The following TEX9 variants were observed in gnomAD, a reference collection of about 807,000 sequenced individuals.
TEX9 encodes the protein testis-expressed protein 9.
Under a neutral mutation model 59.6 loss-of-function variants are expected in TEX9, and 74 were observed. The ratio of observed to expected loss-of-function variants is 1.24; its 90% CI spans 1.03 to 1.51. The LOEUF (loss-of-function observed/expected upper bound fraction) is 1.51. TEX9 is among the 40% of genes most tolerant of loss of function. The pLI, the probability that TEX9 is intolerant of heterozygous loss-of-function variation, is 0.00. For synonymous variants in TEX9, 186 were observed against 152.2 expected (o/e 1.22, Z -1.64); for missense variants, 522 against 447.8 (o/e 1.17, Z -1.49).
intron 1 of TEX9, among the ~76,000 whole-genome samples, chr15:56,255,775 A>G (rs2044132000): frequency 6.6e-6 from 1 of 152,092 alleles, no homozygotes; most frequent in South Asian, 2.1e-4. Context: ...TGAAAAATAC[A>G]GAGCCATTTT....
intron 3 of TEX9, among the ~76,000 whole-genome samples, chr15:56,381,453 T>C (rs2047721917): frequency 6.6e-6 from 1 of 152,200 alleles, no homozygotes; most frequent in South Asian, 2.1e-4. Flanking sequence ...ATGATCTTGA[T>C]ACTTGTAGAT....
chr15:56,295,621 G>A (rs1463266174), intron 1 of TEX9, among the ~76,000 whole-genome samples: 2 of 152,164 alleles, frequency 1.3e-5, no homozygotes, highest in East Asian at 1.9e-4. Context: ...TTTTGCCTTT[G>A]TACCTAAAGG....
chr15:56,410,617 A>G (rs542109377), intron 9 of TEX9, among the ~76,000 whole-genome samples: 24 of 152,088 alleles, frequency 1.6e-4, no homozygotes, highest in Non-Finnish European at 3.1e-4. Flanking sequence ...CTACTTTACT[A>G]TTCTTGTGGC....
intron 1 of TEX9, among the ~76,000 whole-genome samples, chr15:56,356,860 G>C (rs2046694249): frequency 6.6e-6 from 1 of 152,082 alleles, no homozygotes. Flanking sequence ...CATGGTGGTG[G>C]TGGTGGCTAT....
At chr15:56,317,834 T>C (rs534134117) in intron 1 of TEX9, among the ~76,000 whole-genome samples, 1 of 152,202 alleles carries the variant, frequency 6.6e-6, no homozygotes, top group Non-Finnish European at 1.5e-5. Flanking sequence ...TTCCTTCTCT[T>C]ATTGATTTTT....
At chr15:56,299,082 G>A (rs767081208) in intron 1 of TEX9, among the ~76,000 whole-genome samples, 6 of 152,196 alleles carry the variant, frequency 3.9e-5, no homozygotes, top group Non-Finnish European at 8.8e-5. Context: ...AGTGATCACA[G>A]TACCTGGTTT....
chr15:56,431,673 A>G (rs1335866863), intron 12 of TEX9, among the ~76,000 whole-genome samples: 2 of 151,980 alleles, frequency 1.3e-5, no homozygotes, highest in Non-Finnish European at 2.9e-5. Flanking sequence ...GTCTGTACAC[A>G]TATCTATGTA....
the TEX9 span, among the ~76,000 whole-genome samples, chr15:56,458,698 T>G: frequency 6.6e-6 from 1 of 152,204 alleles, no homozygotes; most frequent in Non-Finnish European, 1.5e-5. Context: ...TAGTCGGAAT[T>G]ATACAGAATG....
chr15:56,451,641 G>T, the TEX9 span, among the ~76,000 whole-genome samples: 2 of 152,062 alleles, frequency 1.3e-5, no homozygotes, highest in Non-Finnish European at 2.9e-5. Flanking sequence ...TTTCAATTTT[G>T]ATTATAGACA....
At chr15:56,318,977 C>T (rs554143522) in intron 1 of TEX9, among the ~76,000 whole-genome samples, 1 of 152,154 alleles carries the variant, frequency 6.6e-6, no homozygotes, top group African/African-American at 2.4e-5. Flanking sequence ...ATGCCCACAT[C>T]CATACTGTAT....
chr15:56,306,089 G>A (rs541522084), intron 1 of TEX9, among the ~76,000 whole-genome samples: 57 of 152,072 alleles, frequency 3.7e-4, no homozygotes, highest in Non-Finnish European at 1.6e-4. Context: ...TTATGCAAAA[G>A]CCAGGCAATA....
intron 1 of TEX9, among the ~76,000 whole-genome samples, chr15:56,264,466 G>T (rs2044335476): frequency 6.6e-6 from 1 of 152,130 alleles, no homozygotes; most frequent in South Asian, 2.1e-4. Context: ...AATGTTCTAT[G>T]TATTGGAATA....
intron 1 of TEX9, among the ~76,000 whole-genome samples, chr15:56,279,781 C>T (rs1454349940): frequency 1.3e-5 from 2 of 152,132 alleles, no homozygotes; most frequent in African/African-American, 2.4e-5. Context: ...ATTTTCTTAG[C>T]ATAATTTACT....
chr15:56,431,394 G>A, intron 12 of TEX9: 1 of 1,612,938 alleles, frequency 6.2e-7, no homozygotes, highest in Non-Finnish European at 8.5e-7. Context: ...AGCCTAGTAA[G>A]TTTGTAGCAT....
intron 9 of TEX9, among the ~76,000 whole-genome samples, chr15:56,404,894 A>C (rs549516208): frequency 6.6e-6 from 1 of 152,300 alleles, no homozygotes; most frequent in East Asian, 1.9e-4. Flanking sequence ...AGAAAACCAA[A>C]CACCGCATGT....
intron 1 of TEX9, among the ~76,000 whole-genome samples, chr15:56,348,438 T>G (rs900009663): frequency 1.3e-5 from 2 of 152,142 alleles, no homozygotes; most frequent in African/African-American, 4.8e-5. Context: ...AGTGACCTGA[T>G]GAAAAGTTTG....
chr15:56,388,440 A>T (rs750291886), intron 4 of TEX9, 32 bp from the exon 5 acceptor site: 1 of 1,537,510 alleles, frequency 6.5e-7, no homozygotes, highest in Non-Finnish European at 9.0e-7. Context: ...GTCATCTATT[A>T]TTAATGTATA....
intron 10 of TEX9, among the ~76,000 whole-genome samples, chr15:56,426,589 GTATATATATATATATATATATATA>G (rs71110391): frequency 5.8e-4 from 14 of 24,328 alleles, no homozygotes; most frequent in Admixed American, 5.6e-3. Flanking sequence ...TTGAAAAGGT[GTATATATATATATATATATATATA>G]TATATATATA....
intron 1 of TEX9, among the ~76,000 whole-genome samples, chr15:56,266,367 G>A (rs2044382229): frequency 6.6e-6 from 1 of 151,094 alleles, no homozygotes; most frequent in Admixed American, 6.6e-5. Context: ...GGGTACATGT[G>A]CACTATGTGC....
Sources: gnomAD v4.1 joint callset for allele counts (sites outside exome capture counted in the v4.1 genomes callset) on GRCh38, gnomAD v4.1.1 for gene constraint, MANE v1.5 for transcripts, NCBI Gene and HGNC (gene_info 2026-07-23, HGNC 2026-07-21) for gene names.